ESR1: variants seen among roughly 807,000 people sequenced by gnomAD.
ESR1 encodes the protein estrogen receptor.
A neutral mutation model predicts 52.7 loss-of-function variants in ESR1; 12 were observed. That is an observed-to-expected ratio of 0.23 (90% confidence interval 0.15 to 0.37). The LOEUF (loss-of-function observed/expected upper bound fraction) is 0.37. ESR1 is among the 10% of genes least tolerant of loss of function. The pLI, the probability that ESR1 is intolerant of heterozygous loss-of-function variation, is 1.00. For synonymous variants in ESR1, 305 were observed against 316.8 expected (o/e 0.96, Z 0.39); for missense variants, 584 against 779.7 (o/e 0.75, Z 2.99).
intron 2 of ESR1, among the ~76,000 whole-genome samples, chr6:151,770,779 G>C (rs536770873): frequency 6.6e-6 from 1 of 151,920 alleles, no homozygotes; most frequent in African/African-American, 2.4e-5. Context: ...ACAATGGGAG[G>C]CACAAGGAGT....
Position 151,808,189 on chromosome 6 carries a change from G to A in ESR1, c.277G>A (p.Gly93Ser), listed in dbSNP as rs756964962. 25 of 1,577,152 alleles carry A rather than the reference G, an allele frequency of 1.6e-5. No homozygotes were observed. Among genetic ancestry groups the A allele is most frequent in the Non-Finnish European group, 2.1e-5 (24 of 1,161,442 alleles). Residue 93 changes from glycine (G) to serine (S), a missense_variant, in exon 1 of 8, where the codon GGC becomes AGC. Transcript: ENST00000206249. ...GSEAAAFGSN[G>S]LGGFPPLNSV... is the part of the protein sequence containing the mutation. The stretch of plus-strand genomic sequence containing the variant: ...TGAGGCTGCGGCGTTCGGCTCCAAC[G>A]GCCTGGGGGGTTTCCCCCCACTCAA...
intron 1 of ESR1, among the ~76,000 whole-genome samples, chr6:151,698,515 T>G (rs1779536897): frequency 6.6e-6 from 1 of 152,194 alleles, no homozygotes; most frequent in Admixed American, 6.5e-5. Context: ...TGATCTCTCC[T>G]GCAGTTGCCT....
intron 5 of ESR1, among the ~76,000 whole-genome samples, chr6:152,036,098 G>A (rs1045349746): frequency 3.9e-4 from 56 of 141,796 alleles, no homozygotes; most frequent in African/African-American, 1.3e-3. Context: ...GGCCAGGCAC[G>A]GTGGCTCACG....
intron 2 of ESR1, among the ~76,000 whole-genome samples, chr6:151,772,240 C>T (rs568225962): frequency 6.6e-6 from 1 of 152,168 alleles, no homozygotes; most frequent in East Asian, 1.9e-4. Flanking sequence ...CTGTAGGGGT[C>T]TCAGTTGTCC....
At position 151,957,142 on chromosome 6, in the gene ESR1, G is replaced by A. The variant is rs368366934; in HGVS notation, c.1096+12634G>A. The stretch of plus-strand genomic sequence containing the variant: ...TCCGCCCACCTCGGCCTCCCAAAGT[G>A]CTGGGATTACAGGTGTGAACCACCA... On this transcript the variant is annotated intron_variant, in intron 4 of 7. Coordinates refer to ENST00000206249, the MANE Select transcript of ESR1 (RefSeq NM_000125.4). Among the ~76,000 whole-genome samples the A allele has an allele frequency of 9.2e-5, 14 of 152,076 alleles. No homozygotes were observed. The East Asian group carries it at 1.5e-3, about 17-fold the overall frequency.
intron 2 of ESR1, among the ~76,000 whole-genome samples, chr6:151,738,080 C>T (rs909981460): frequency 1.3e-5 from 2 of 152,094 alleles, no homozygotes; most frequent in East Asian, 3.9e-4. Context: ...AATTTTATTT[C>T]ACATTTCATT....
intron 3 of ESR1, among the ~76,000 whole-genome samples, chr6:151,895,988 C>T (rs1795434029): frequency 6.6e-6 from 1 of 152,144 alleles, no homozygotes. Context: ...TAGGGTTTCG[C>T]TATGTTGGCC....
At chr6:151,884,049 T>C (rs1399257038) in intron 3 of ESR1, among the ~76,000 whole-genome samples, 2 of 152,200 alleles carry the variant, frequency 1.3e-5, no homozygotes, top group Non-Finnish European at 2.9e-5. Flanking sequence ...CAATATCCCA[T>C]AGGGGTTACT....
At chr6:151,977,561 G>A (rs541941287) in intron 4 of ESR1, among the ~76,000 whole-genome samples, 31 of 152,058 alleles carry the variant, frequency 2.0e-4, no homozygotes, top group South Asian at 1.7e-3. Flanking sequence ...TTGGGAGGCC[G>A]AAGGAGGTGG....
chr6:151,818,721 A>C (rs924011257), intron 1 of ESR1, among the ~76,000 whole-genome samples: 1 of 152,012 alleles, frequency 6.6e-6, no homozygotes, highest in Non-Finnish European at 1.5e-5. Flanking sequence ...GGAGTTCCTC[A>C]TTGGTTTTTC....
chr6:152,080,828 A>G lies in ESR1; in HGVS notation c.1370-13557A>G, dbSNP rs552743766. Among the ~76,000 whole-genome samples the G allele has an allele frequency of 2.0e-5, 3 of 152,324 alleles. No homozygotes were observed. The East Asian group carries it at 5.8e-4, about 29-fold the overall frequency. ...TCTACTGAGCAAATGGAAAGAAAAA[A>G]AAAAGCAGGGGTTGCAATCCCAGTC... On this transcript the variant is annotated intron_variant, in intron 6 of 7. Transcript: ENST00000206249.
chr6:151,753,846 C>T (rs1418065153), intron 2 of ESR1, among the ~76,000 whole-genome samples: 3 of 152,180 alleles, frequency 2.0e-5, no homozygotes, highest in Non-Finnish European at 4.4e-5. Context: ...CTTCCTCTTA[C>T]CTATATTTGT....
At chr6:151,860,316 T>C (rs1788639073) in intron 2 of ESR1, among the ~76,000 whole-genome samples, 2 of 152,110 alleles carry the variant, frequency 1.3e-5, no homozygotes, top group Admixed American at 1.3e-4. Context: ...CAGTGTATAA[T>C]ACAGTATTGT....
intron 1 of ESR1, among the ~76,000 whole-genome samples, chr6:151,659,195 T>G (rs1359723897): frequency 6.6e-6 from 1 of 152,164 alleles, no homozygotes; most frequent in African/African-American, 2.4e-5. Context: ...GTATTTTTAG[T>G]AGAGATGGTG....
chr6:151,796,499 T>A (rs529741579), intron 2 of ESR1, among the ~76,000 whole-genome samples: 2 of 152,352 alleles, frequency 1.3e-5, no homozygotes, highest in East Asian at 3.9e-4. Flanking sequence ...AAGCACCAAC[T>A]GCATTATATA....
At chr6:151,781,846 A>G (rs1165624307) in intron 2 of ESR1, among the ~76,000 whole-genome samples, 1 of 152,280 alleles carries the variant, frequency 6.6e-6, no homozygotes, top group African/African-American at 2.4e-5. Flanking sequence ...ATTTTACAAA[A>G]TAAATTTACA....
At chr6:152,097,063 G>A (rs1270675553) in intron 7 of ESR1, among the ~76,000 whole-genome samples, 1 of 152,194 alleles carries the variant, frequency 6.6e-6, no homozygotes, top group Non-Finnish European at 1.5e-5. Context: ...GCAGAGGGCA[G>A]CAGCAGGGAG....
intron 2 of ESR1, among the ~76,000 whole-genome samples, chr6:151,879,279 T>C (rs978061018): frequency 1.3e-5 from 2 of 152,156 alleles, no homozygotes; most frequent in Non-Finnish European, 2.9e-5. Context: ...TTATGTAGGA[T>C]GTGGACTGAA....
At chr6:152,027,288 T>C (rs1307428989) in intron 5 of ESR1, among the ~76,000 whole-genome samples, 3 of 152,130 alleles carry the variant, frequency 2.0e-5, no homozygotes, top group African/African-American at 4.8e-5. Context: ...TTATTACTTA[T>C]ATTTTTCTAC....
Sources: gnomAD v4.1 joint callset for allele counts (sites outside exome capture counted in the v4.1 genomes callset) on GRCh38, gnomAD v4.1.1 for gene constraint, MANE v1.5 for transcripts, NCBI Gene and HGNC (gene_info 2026-07-23, HGNC 2026-07-21) for gene names.